PARP8: variants seen among roughly 807,000 people sequenced by gnomAD.
The protein encoded by PARP8 is protein mono-ADP-ribosyltransferase PARP8.
PARP8 carries 51 observed loss-of-function variants against 124.1 expected under a neutral mutation model. The observed-to-expected ratio is 0.41, with a 90% CI of 0.33 to 0.52. PARP8 has a LOEUF of 0.52. PARP8 is among the 20% of genes least tolerant of loss of function. The pLI is 0.21. For missense variants in PARP8, 860 were observed against 1,018.9 expected, an observed-to-expected ratio of 0.84 and a Z score of 2.12; for synonymous variants, 391 against 361.5, an observed-to-expected ratio of 1.08 and a Z score of -0.93.
intron 2 of PARP8, among the ~76,000 whole-genome samples, chr5:50,703,684 A>G (rs1454108817): frequency 6.6e-6 from 1 of 152,134 alleles, no homozygotes; most frequent in Non-Finnish European, 1.5e-5. Flanking sequence ...CTTCAGTTGT[A>G]TAATGGTCTA....
chr5:50,705,862 A>G (rs1457957531), intron 2 of PARP8, among the ~76,000 whole-genome samples: 3 of 151,988 alleles, frequency 2.0e-5, no homozygotes, highest in Admixed American at 2.0e-4. Context: ...ATTTGTTGCC[A>G]TTTGCCTGCA....
intron 15 of PARP8, among the ~76,000 whole-genome samples, chr5:50,818,189 C>CA (rs1256286173): frequency 1.6e-4 from 22 of 136,364 alleles, no homozygotes; most frequent in Non-Finnish European, 2.6e-4. Flanking sequence ...CCCCCCCCCC[C>CA]AAAAAAAAGA....
intron 7 of PARP8, among the ~76,000 whole-genome samples, chr5:50,770,347 T>G (rs1482907964): frequency 6.6e-6 from 1 of 152,160 alleles, no homozygotes; most frequent in African/African-American, 2.4e-5. Flanking sequence ...TGAACATCAT[T>G]CATCATCTTT....
At chr5:50,822,924 T>G (rs1363030789) in intron 17 of PARP8, among the ~76,000 whole-genome samples, 1 of 152,176 alleles carries the variant, frequency 6.6e-6, no homozygotes, top group South Asian at 2.1e-4. Flanking sequence ...TCGGGGTTTG[T>G]TAGGAAAATC....
At chr5:50,774,023 AG>A (rs554345935) in intron 7 of PARP8, among the ~76,000 whole-genome samples, 121 of 152,066 alleles carry the variant, frequency 8.0e-4, no homozygotes, top group Admixed American at 5.9e-4. Context: ...ACTTGAGATT[AG>A]GGAGTGGTGA....
At chr5:50,781,279 C>T (rs1254340497) in intron 9 of PARP8, among the ~76,000 whole-genome samples, 5 of 152,008 alleles carry the variant, frequency 3.3e-5, no homozygotes, top group African/African-American at 9.7e-5. Flanking sequence ...TATCACCAGT[C>T]GCTTTTGTTT....
intron 2 of PARP8, among the ~76,000 whole-genome samples, chr5:50,715,871 C>CTACCTT (rs562689874): frequency 6.0e-4 from 92 of 152,148 alleles, no homozygotes; most frequent in African/African-American, 2.2e-3. Context: ...TAAAAAAATA[C>CTACCTT]TACCTTCTTC....
In PARP8 at chr5:50,666,826, G is replaced by C; in HGVS notation, c.-270G>C. The C allele has an allele frequency of 7.7e-7, 1 of 1,295,274 alleles. No homozygotes were observed. Among genetic ancestry groups the C allele is most frequent in the Non-Finnish European group, 9.9e-7 (1 of 1,008,754 alleles). The allele number at this position is 1,295,274 out of a possible 1,614,324, so 80.2% of individuals were successfully genotyped here. ...TTGGTGTCATCACCATCCATTGTCA[G>C]AAGGGGAGGAAATTGGAATCCAGCA... On this transcript the variant is annotated 5_prime_UTR_variant, in exon 1 of 26. Coordinates refer to ENST00000281631, the MANE Select transcript of PARP8 (RefSeq NM_024615.4).
At chr5:50,695,782 A>G (rs939435642) in intron 2 of PARP8, among the ~76,000 whole-genome samples, 1 of 152,196 alleles carries the variant, frequency 6.6e-6, no homozygotes, top group African/African-American at 2.4e-5. Flanking sequence ...TGGATATGCA[A>G]AATTCAAGCT....
chr5:50,673,760 A>T (rs1022008185), intron 2 of PARP8, among the ~76,000 whole-genome samples: 2 of 152,246 alleles, frequency 1.3e-5, no homozygotes, highest in East Asian at 3.8e-4. Flanking sequence ...GCTAACCATA[A>T]TAGTTGGAAA....
At chr5:50,790,425 G>A (rs1223977809) in intron 10 of PARP8, among the ~76,000 whole-genome samples, 2 of 152,064 alleles carry the variant, frequency 1.3e-5, no homozygotes, top group African/African-American at 4.8e-5. Context: ...AGCATGGATG[G>A]CATTATGCAA....
In PARP8 at chr5:50,754,116, C is replaced by CATATATATATATAT. The variant is rs373375463; in HGVS notation, c.184+3950_184+3963dup. ...GAAGGAATTTGAGTTTGAAAACATT[C>CATATATATATATAT]ATATATATATATATATATATATATA... On this transcript the variant is annotated intron_variant, in intron 3 of 25. Transcript: ENST00000281631. 2.0e-3 allele frequency among the ~76,000 whole-genome samples: 126 copies of CATATATATATATAT among 64,536 alleles called. 4 individuals are homozygous for CATATATATATATAT. Among genetic ancestry groups the CATATATATATATAT allele is most frequent in the African/African-American group, 5.6e-3 (41 of 7,322 alleles). The allele number at this position is 64,536 out of a possible 152,430, so 42.3% of individuals were successfully genotyped here. A position where few individuals can be genotyped will look rare whatever the true frequency, so the allele number is the denominator to read the frequency against.
intron 20 of PARP8, 70 bp from the exon 21 acceptor site, chr5:50,828,242 T>C (rs910229265): frequency 7.4e-5 from 108 of 1,464,570 alleles, no homozygotes; most frequent in Non-Finnish European, 9.5e-5. Context: ...CCATGACTTA[T>C]TATGTTTTGA....
At chr5:50,709,228 A>G (rs1273735503) in intron 2 of PARP8, among the ~76,000 whole-genome samples, 2 of 151,370 alleles carry the variant, frequency 1.3e-5, no homozygotes, top group Non-Finnish European at 2.9e-5. Context: ...TCATCTCTTT[A>G]TTCTGCTTTT....
chr5:50,789,510 C>T lies in PARP8; in HGVS notation c.737+921C>T, dbSNP rs192943486. Reference sequence around the variant, plus strand: ...ATGATGCCATCCACATGGTCTCCTTCGCCAGCCTTCCACACAGAGGGAATA... The same window carrying T: ...ATGATGCCATCCACATGGTCTCCTTTGCCAGCCTTCCACACAGAGGGAATA... On this transcript the variant is annotated intron_variant, in intron 10 of 25. Transcript: ENST00000281631. Among the ~76,000 whole-genome samples the T allele has an allele frequency of 2.1e-3, 314 of 152,280 alleles. 3 individuals carry two copies. Among genetic ancestry groups the T allele is most frequent in the African/African-American group, 6.9e-3 (288 of 41,564 alleles).
Position 50,815,448 on chromosome 5 carries a change from G to A in PARP8, c.1592G>A (p.Arg531Gln), listed in dbSNP as rs1198001419. 1.3e-6 allele frequency: 2 copies of A among 1,591,918 alleles called. No individual in the cohort carries two copies. The highest frequency in any genetic ancestry group is 1.8e-5 in the Admixed American group (1 of 56,156). The change falls in exon 15 of 26, where the codon CGG (arginine) becomes CAG (glutamine). Residue 531 changes from arginine (R) to glutamine (Q), a missense_variant. Transcript: ENST00000281631. ...CTTTTGTAGCCTACCGTATGTGAACGGGAGCTGTGTGTGTTTGCTTTTCAA... is the reference window on the plus strand; with the variant it reads ...CTTTTGTAGCCTACCGTATGTGAACAGGAGCTGTGTGTGTTTGCTTTTCAA... Reference protein sequence around the residue: ...GPMLRPTVCERELCVFAFQTL... With the variant: ...GPMLRPTVCEQELCVFAFQTL...
chr5:50,723,787 A>T (rs949495011), intron 2 of PARP8, among the ~76,000 whole-genome samples: 11 of 152,134 alleles, frequency 7.2e-5, no homozygotes, highest in African/African-American at 2.7e-4. Flanking sequence ...TATTAGATTT[A>T]AAAAATATTC....
At chr5:50,834,265 T>C (rs1294550953) in intron 24 of PARP8, among the ~76,000 whole-genome samples, 7 of 152,200 alleles carry the variant, frequency 4.6e-5, no homozygotes, top group African/African-American at 1.7e-4. Flanking sequence ...TGATATATTT[T>C]ATTTCTGGCA....
chr5:50,797,082 G>A, intron 13 of PARP8, 50 bp downstream of exon 13: 1 of 1,609,058 alleles, frequency 6.2e-7, no homozygotes, highest in Non-Finnish European at 8.5e-7. Context: ...TTCTTACGGG[G>A]TTTTTAAATC....
Sources: allele counts gnomAD v4.1 joint callset (sites outside exome capture counted in the v4.1 genomes callset), GRCh38; gene constraint gnomAD v4.1.1; transcripts MANE v1.5; gene names NCBI Gene and HGNC (gene_info 2026-07-23, HGNC 2026-07-21).